The following NHLRC2 variants were observed in gnomAD, a reference collection of about 807,000 sequenced individuals.
NHLRC2 encodes the protein NHL repeat-containing protein 2.
A neutral mutation model predicts 68.1 loss-of-function variants in NHLRC2; 33 were observed. The observed-to-expected ratio is 0.48, with a 90% confidence interval of 0.37 to 0.65. The LOEUF (loss-of-function observed/expected upper bound fraction) is 0.65. Among genes scored for constraint, NHLRC2 ranks in the 30% least tolerant of loss-of-function variants. The pLI is 0.00. For synonymous variants in NHLRC2, 311 were observed against 309.6 expected, an observed-to-expected ratio of 1.00 and a Z score of -0.05; for missense variants, 761 against 853.8, an observed-to-expected ratio of 0.89 and a Z score of 1.35.
At position 113,905,022 on chromosome 10, in the gene NHLRC2, T is replaced by C; in HGVS notation, c.1910T>C (p.Phe637Ser). ...ACTGAAGGAGTATCCAGTTGCTGGT[T>C]TCTAACAGCTGAAGGTATGAGTATA... The part of the protein sequence containing the change: ...KLTEGVSSCW[F>S]LTAEGNEWLL... The change falls in exon 10 of 11, where the codon TTT becomes TCT. Residue 637 changes from phenylalanine (F) to serine (S), a missense_variant. Physicochemically the swap from Phe to Ser is radical, Grantham distance 155. Transcript: ENST00000369301. 7.9e-6 allele frequency: 12 copies of C among 1,510,888 alleles called. No individual in the cohort carries two copies. Among genetic ancestry groups the C allele is most frequent in the Non-Finnish European group, 1.1e-5 (12 of 1,125,462 alleles). The allele number at this position is 1,510,888 out of a possible 1,614,324, so 93.6% of individuals were successfully genotyped here.
Position 113,909,688 on chromosome 10 carries a change from A to G in NHLRC2, c.*1152A>G, listed in dbSNP as rs1846307601. 6.6e-6 allele frequency: 1 copy of G among 152,070 alleles called. No individual in the cohort carries two copies. The highest frequency in any genetic ancestry group is 1.5e-5 in the Non-Finnish European group (1 of 67,974). The allele number at this position is 152,070 out of a possible 1,614,324, so 9.4% of individuals were successfully genotyped here. On this transcript the variant is annotated 3_prime_UTR_variant, in exon 11 of 11. Transcript: ENST00000369301. The stretch of plus-strand genomic sequence containing the variant: ...TTTATCCCTAAAAAAAGATATTGGA[A>G]AGGTTTTTTTTCTATTGTCATAATT...
chr10:113,894,951 AC>A (rs1846164183), intron 5 of NHLRC2, among the ~76,000 whole-genome samples: 1 of 152,190 alleles, frequency 6.6e-6, no homozygotes, highest in Non-Finnish European at 1.5e-5. Flanking sequence ...ATTGATATAT[AC>A]ATAATATAAA....
rs1253151912 is a variant in NHLRC2, at chr10:113,913,435, G to A, written c.*4899G>A. ...ATAATTGTTTGTCAAAAGATTTTAT[G>A]TACTACTTTTTCTTAATTTCAGATA... On this transcript the variant is annotated 3_prime_UTR_variant, in exon 11 of 11. Transcript: ENST00000369301. 3.9e-5 allele frequency: 6 copies of A among 152,210 alleles called. No individual in the cohort carries two copies. The South Asian group carries it at 6.2e-4, about 16-fold the overall frequency. 9.4% of individuals were successfully genotyped at this position (152,210 alleles called of 1,614,324 possible).
chr10:113,893,546 T>C (rs775261822), intron 5 of NHLRC2, among the ~76,000 whole-genome samples: 26 of 152,158 alleles, frequency 1.7e-4, no homozygotes, highest in Non-Finnish European at 3.5e-4. Flanking sequence ...TGGGTGATGA[T>C]TATCATTATC....
intron 5 of NHLRC2, among the ~76,000 whole-genome samples, chr10:113,886,877 TG>T (rs1846087705): frequency 6.6e-6 from 1 of 152,152 alleles, no homozygotes; most frequent in African/African-American, 2.4e-5. Context: ...CCAGTGGGAT[TG>T]CATCAAACTA....
At position 113,881,866 on chromosome 10, in the gene NHLRC2, C is replaced by A. The variant is rs944065249; in HGVS notation, c.909+2171C>A. ...ACCACTTACAGATAGTCCCTGTCCCCTCCCATCCCTAGGCAACTGTTAATT... is the reference window on the plus strand; with the variant it reads ...ACCACTTACAGATAGTCCCTGTCCCATCCCATCCCTAGGCAACTGTTAATT... On this transcript the variant is annotated intron_variant, in intron 4 of 10. Coordinates refer to ENST00000369301, the MANE Select transcript of NHLRC2 (RefSeq NM_198514.4). Among the ~76,000 whole-genome samples the A allele has an allele frequency of 2.0e-5, 3 of 151,920 alleles. No individual in the cohort carries two copies. In the East Asian group the frequency reaches 5.8e-4, roughly 29 times the overall value.
chr10:113,868,158 G>A (rs574212859), intron 2 of NHLRC2, among the ~76,000 whole-genome samples: 171 of 152,156 alleles, frequency 1.1e-3, no homozygotes, highest in African/African-American at 4.0e-3. Flanking sequence ...TGTATGTGTG[G>A]TTTTTTTATT....
At chr10:113,857,735 G>C (rs915095241) in intron 1 of NHLRC2, among the ~76,000 whole-genome samples, 6 of 151,906 alleles carry the variant, frequency 3.9e-5, no homozygotes, top group Admixed American at 2.0e-4. Context: ...TGGAGGAAAG[G>C]GAACACGTTC....
chr10:113,867,760 G>GT lies in NHLRC2; in HGVS notation c.332-8754dup, dbSNP rs1202147298. On this transcript the variant is annotated intron_variant, in intron 2 of 10. Coordinates refer to ENST00000369301, the MANE Select transcript of NHLRC2 (RefSeq NM_198514.4). ...GGTTTTTGTTTTTGTTTTTGTTTTT[G>GT]TTTTTTTAGCATCTTTCGAAATGCC... Among the ~76,000 whole-genome samples the GT allele has an allele frequency of 4.0e-4, 61 of 151,868 alleles. 1 individual carries two copies. Among genetic ancestry groups the GT allele is most frequent in the Admixed American group, 3.9e-3 (59 of 15,254 alleles).
chr10:113,897,528 G>A (rs934094130), intron 5 of NHLRC2, among the ~76,000 whole-genome samples: 1 of 152,192 alleles, frequency 6.6e-6, no homozygotes, highest in African/African-American at 2.4e-5. Context: ...TACTCTAAGT[G>A]CATCGTGTGC....
At chr10:113,861,308 A>G (rs1845814193) in intron 2 of NHLRC2, among the ~76,000 whole-genome samples, 1 of 152,224 alleles carries the variant, frequency 6.6e-6, no homozygotes, top group African/African-American at 2.4e-5. Flanking sequence ...GAACACAAAC[A>G]TCTAAGAAGT....
Position 113,884,384 on chromosome 10 carries a change from T to C in NHLRC2, c.1039+4T>C, listed in dbSNP as rs1439026391. 1.2e-6 allele frequency: 2 copies of C among 1,603,804 alleles called. No individual in the cohort carries two copies. The stretch of plus-strand genomic sequence containing the variant: ...GATGTAGTTTTTGGAACATCAGGTA[T>C]GTGAACTTTTGATATTAAATGTAAA... On this transcript the variant is annotated splice_donor_region_variant and intron_variant, in intron 5 of 10. Coordinates refer to ENST00000369301, the MANE Select transcript of NHLRC2 (RefSeq NM_198514.4).
intron 2 of NHLRC2, among the ~76,000 whole-genome samples, chr10:113,865,661 A>G (rs2134693800): frequency 6.9e-6 from 1 of 145,704 alleles, no homozygotes; most frequent in African/African-American, 2.6e-5. Context: ...TTTGTTACAT[A>G]GTGGAATAAA....
At chr10:113,861,200 G>A (rs1845813066) in intron 2 of NHLRC2, among the ~76,000 whole-genome samples, 1 of 152,088 alleles carries the variant, frequency 6.6e-6, no homozygotes, top group Admixed American at 6.5e-5. Flanking sequence ...GAGCCTAAAG[G>A]ACCTTGGAAC....
chr10:113,889,627 A>G (rs544852412), intron 5 of NHLRC2, among the ~76,000 whole-genome samples: 7 of 152,116 alleles, frequency 4.6e-5, no homozygotes, highest in Non-Finnish European at 1.0e-4. Flanking sequence ...ATATAATTCT[A>G]TGAAATTTGA....
At chr10:113,902,180 A>C (rs182061646) in intron 7 of NHLRC2, among the ~76,000 whole-genome samples, 11 of 152,304 alleles carry the variant, frequency 7.2e-5, no homozygotes, top group Admixed American at 4.6e-4. Context: ...TGTAAATTAG[A>C]TATTGGGCAG....
At chr10:113,907,966 C>T (rs553091089) in intron 10 of NHLRC2, among the ~76,000 whole-genome samples, 135 of 152,198 alleles carry the variant, frequency 8.9e-4, no homozygotes, top group African/African-American at 3.0e-3. Flanking sequence ...TTATTTTTAA[C>T]TTTAGAGACT....
rs1198264414 is a variant in NHLRC2, at chr10:113,914,920, T to G, written c.*6384T>G. Reference sequence around the variant, plus strand: ...CATGGCTAACAAACCCTGGCCCCTTTACATATGAGCTCTGGAGGTTCGCCT... The same window carrying G: ...CATGGCTAACAAACCCTGGCCCCTTGACATATGAGCTCTGGAGGTTCGCCT... On this transcript the variant is annotated 3_prime_UTR_variant, in exon 11 of 11. Coordinates refer to ENST00000369301, the MANE Select transcript of NHLRC2 (RefSeq NM_198514.4). 3 of 450,508 alleles carry G rather than the reference T, an allele frequency of 6.7e-6. No homozygotes were observed. Among genetic ancestry groups the G allele is most frequent in the South Asian group, 4.7e-5 (3 of 63,518 alleles). The allele number at this position is 450,508 out of a possible 1,614,324, so 27.9% of individuals were successfully genotyped here.
Position 113,915,278 on chromosome 10 carries a change from A to G in NHLRC2, c.*6742A>G, listed in dbSNP as rs1311828746. On this transcript the variant is annotated 3_prime_UTR_variant, in exon 11 of 11. Transcript: ENST00000369301. Reference sequence around the variant, plus strand: ...TACTTCCCTACCTGTACAAGCAGCCATATACTAAAAAGCACTAAACAAGCA... The same window carrying G: ...TACTTCCCTACCTGTACAAGCAGCCGTATACTAAAAAGCACTAAACAAGCA... 2 of 455,728 alleles carry G rather than the reference A, an allele frequency of 4.4e-6. No individual in the cohort carries two copies. The highest frequency in any genetic ancestry group is 2.4e-5 in the Admixed American group (1 of 42,528). The allele number at this position is 455,728 out of a possible 1,614,324, so 28.2% of individuals were successfully genotyped here.
Sources: gnomAD v4.1 joint callset for allele counts (sites outside exome capture counted in the v4.1 genomes callset) on GRCh38, gnomAD v4.1.1 for gene constraint, MANE v1.5 for transcripts, NCBI Gene and HGNC (gene_info 2026-07-23, HGNC 2026-07-21) for gene names.